Variants in ZCCHC14 observed in about 807,000 individuals in gnomAD.
ZCCHC14 encodes the protein zinc finger CCHC-type containing 14.
ZCCHC14 carries 16 observed loss-of-function variants against 85.0 expected under a neutral mutation model. That is an observed-to-expected ratio of 0.19 (90% CI 0.13 to 0.29). The LOEUF is 0.29. Ranked by LOEUF, ZCCHC14 falls within the 10% of genes least tolerant of loss-of-function variation. ZCCHC14 has a pLI of 1.00. For missense variants in ZCCHC14, 1,303 were observed against 1,443.5 expected, an observed-to-expected ratio of 0.90 and a Z score of 1.58; for synonymous variants, 775 against 630.7, an observed-to-expected ratio of 1.23 and a Z score of -3.43.
At chr16:87,461,731 T>A (rs183058011) in intron 1 of ZCCHC14, among the ~76,000 whole-genome samples, 94 of 152,320 alleles carry the variant, frequency 6.2e-4, no homozygotes, top group South Asian at 1.2e-3. Flanking sequence ...GGGTGGAGAC[T>A]GCTGCCACTC....
chr16:87,414,514 G>T lies in ZCCHC14; in HGVS notation c.1503C>A (p.Asn501Lys). The change falls in exon 10 of 13, where the codon AAC becomes AAA. Residue 501 changes from asparagine to lysine, a missense_variant. By Grantham distance (94) the Asn-to-Lys change is moderately conservative. Around this residue, in one of 7 missense-constraint regions of ZCCHC14, gnomAD observed 58 missense variants for 88.2 expected, o/e 0.66. Transcript: ENST00000671377. ...EKEKSERRCL[N>K]PSAPPLVTSS... ...TGGTGACCAGCGGCGGGGCCGAGGGGTTCAGGCACCGTCTCTCTGACTTCT... is the reference window on the plus strand; with the variant it reads ...TGGTGACCAGCGGCGGGGCCGAGGGTTTCAGGCACCGTCTCTCTGACTTCT... 2 of 1,612,540 alleles carry T rather than the reference G, an allele frequency of 1.2e-6. No homozygotes were observed. Among genetic ancestry groups the T allele is most frequent in the Non-Finnish European group, 1.7e-6 (2 of 1,179,234 alleles).
rs772849011 is a variant in ZCCHC14, at chr16:87,412,384, C to T, written c.2337G>A (p.Ser779=). 7.4e-6 allele frequency: 12 copies of T among 1,614,056 alleles called. No homozygotes were observed. The highest frequency in any genetic ancestry group is 3.3e-5 in the South Asian group (3 of 91,090). The change falls in exon 12 of 13, where the codon TCG becomes TCA. Residue 779 remains serine, a synonymous_variant. Transcript: ENST00000671377. ...TGGCAGAATCAGCAGGAACAGATGA[C>T]GACAGCAGCAGTTTGATGGGCGGAC... ...AARPPIKLLL[S]SSVPADSAIS...
chr16:87,430,119 G>A (rs1909577640), intron 3 of ZCCHC14, among the ~76,000 whole-genome samples: 2 of 152,158 alleles, frequency 1.3e-5, no homozygotes, highest in Admixed American at 6.5e-5. Flanking sequence ...CCGTATCTCA[G>A]AAATCTTCAC....
At chr16:87,430,504 CACTTTA>C (rs983740786) in intron 3 of ZCCHC14, among the ~76,000 whole-genome samples, 17 of 151,924 alleles carry the variant, frequency 1.1e-4, no homozygotes, top group Non-Finnish European at 2.5e-4. Flanking sequence ...CTTTCCATAT[CACTTTA>C]ACTTGATTTC....
intron 1 of ZCCHC14, among the ~76,000 whole-genome samples, chr16:87,486,340 G>A (rs1408737213): frequency 1.3e-5 from 2 of 152,146 alleles, no homozygotes; most frequent in Non-Finnish European, 2.9e-5. Context: ...CATTTTTACT[G>A]TACCTATTCT....
At position 87,455,087 on chromosome 16, in the gene ZCCHC14, A is replaced by G. The variant is rs541607922; in HGVS notation, c.694+4921T>C. On this transcript the variant is annotated intron_variant, in intron 2 of 12. Coordinates refer to ENST00000671377, the MANE Select transcript of ZCCHC14 (RefSeq NM_015144.3). ...GCAGATCACCTGAGGTCGGGAATTC[A>G]AGACCAGCCTGACCAACATGGAGAA... Among the ~76,000 whole-genome samples the G allele has an allele frequency of 3.9e-5, 6 of 152,334 alleles. No individual in the cohort carries two copies. In the East Asian group the frequency reaches 1.2e-3, roughly 29 times the overall value.
chr16:87,447,838 C>A (rs1029205704), intron 2 of ZCCHC14, among the ~76,000 whole-genome samples: 2 of 152,230 alleles, frequency 1.3e-5, no homozygotes, highest in African/African-American at 4.8e-5. Flanking sequence ...AAAGCTCCAG[C>A]TGCTTCTGAT....
chr16:87,427,801 CTACTTTTTG>C (rs1281466221), intron 3 of ZCCHC14, among the ~76,000 whole-genome samples: 5 of 87,436 alleles, frequency 5.7e-5, no homozygotes, highest in South Asian at 4.6e-4. Context: ...CAATGACCAA[CTACTTTTTG>C]TACTTTTTGC....
intron 1 of ZCCHC14, among the ~76,000 whole-genome samples, chr16:87,460,627 C>T (rs531091944): frequency 6.6e-6 from 1 of 152,080 alleles, no homozygotes; most frequent in Admixed American, 6.5e-5. Flanking sequence ...GAGGCAGGGG[C>T]TGCAGTGAGC....
chr16:87,459,953 G>A (rs541995170), intron 2 of ZCCHC14, 55 bp downstream of exon 2: 6 of 1,612,292 alleles, frequency 3.7e-6, no homozygotes, highest in Non-Finnish European at 4.2e-6. Context: ...GGGATCTGGG[G>A]TGTGCCCATC....
chr16:87,489,643 C>T (rs1164373388), intron 1 of ZCCHC14, among the ~76,000 whole-genome samples: 1 of 152,186 alleles, frequency 6.6e-6, no homozygotes, highest in African/African-American at 2.4e-5. Context: ...GGTTGCACGG[C>T]TGGTAAATTC....
intron 3 of ZCCHC14, among the ~76,000 whole-genome samples, chr16:87,431,822 GCACT>G (rs898164307): frequency 1.2e-4 from 19 of 152,164 alleles, no homozygotes; most frequent in African/African-American, 4.6e-4. Context: ...GGGTTCCAGG[GCACT>G]CAGAGGGCCC....
chr16:87,477,525 T>G (rs1378329929), intron 1 of ZCCHC14, among the ~76,000 whole-genome samples: 3 of 152,216 alleles, frequency 2.0e-5, no homozygotes, highest in Admixed American at 2.0e-4. Context: ...AGGTTCTTCC[T>G]CTCACTTTAA....
intron 2 of ZCCHC14, among the ~76,000 whole-genome samples, chr16:87,456,532 C>CAAAAA (rs1567531853): frequency 2.5e-4 from 2 of 7,860 alleles, no homozygotes; most frequent in East Asian, 8.2e-3. Context: ...GACTCTGTCT[C>CAAAAA]CAAAAAAAAA....
chr16:87,422,905 C>CGGG (rs113340588), intron 4 of ZCCHC14, among the ~76,000 whole-genome samples: 27 of 149,882 alleles, frequency 1.8e-4, no homozygotes, highest in East Asian at 7.9e-4. Flanking sequence ...AGCAGATTCC[C>CGGG]GGGGGGGGGT....
chr16:87,433,222 AC>A (rs548480966), intron 2 of ZCCHC14, 21 bp from the exon 3 acceptor site: 9 of 1,607,902 alleles, frequency 5.6e-6, no homozygotes, highest in Non-Finnish European at 7.7e-6. Context: ...AAAACAAAAA[AC>A]AAAAATGAAA....
At chr16:87,477,307 G>A (rs1040487813) in intron 1 of ZCCHC14, among the ~76,000 whole-genome samples, 3 of 152,196 alleles carry the variant, frequency 2.0e-5, no homozygotes, top group African/African-American at 7.2e-5. Context: ...CACACTCTGT[G>A]CTGAATGAAT....
chr16:87,425,433 G>A (rs753141919), intron 3 of ZCCHC14, among the ~76,000 whole-genome samples: 150 of 152,162 alleles, frequency 9.9e-4, no homozygotes, highest in Admixed American at 2.1e-3. Flanking sequence ...AAAATTGGCC[G>A]GGCATGGTGG....
chr16:87,461,665 T>C (rs1047577972), intron 1 of ZCCHC14, among the ~76,000 whole-genome samples: 4 of 152,128 alleles, frequency 2.6e-5, no homozygotes, highest in Non-Finnish European at 5.9e-5. Context: ...CAGGTAGGCG[T>C]GGCCTCGACC....
Sources: gnomAD v4.1 joint callset for allele counts (sites outside exome capture counted in the v4.1 genomes callset) on GRCh38, gnomAD v4.1.1 for gene constraint, gnomAD v4.1.1 regional missense constraint, MANE v1.5 for transcripts, NCBI Gene and HGNC (gene_info 2026-07-23, HGNC 2026-07-21) for gene names.